SDC4: variants seen among roughly 807,000 people sequenced by gnomAD.
SDC4 encodes the protein syndecan 4, also known as syndecan-4.
A neutral mutation model predicts 20.5 loss-of-function variants in SDC4; 17 were observed. That is an observed-to-expected ratio of 0.83 (90% CI 0.57 to 1.25). The LOEUF (loss-of-function observed/expected upper bound fraction) is 1.25. Among genes scored for constraint, SDC4 ranks in the 50% most tolerant of loss-of-function variants. The probability of loss-of-function intolerance (pLI) is 0.00; values close to 1 mark genes in which losing one functional copy is unlikely to be tolerated. For missense variants in SDC4, 241 were observed against 252.3 expected, an observed-to-expected ratio of 0.96 and a Z score of 0.30; for synonymous variants, 107 against 105.3, an observed-to-expected ratio of 1.02 and a Z score of -0.10.
intron 1 of SDC4, chr20:45,345,938 C>G (rs1339218521): frequency 6.6e-6 from 1 of 152,154 alleles, no homozygotes; most frequent in African/African-American, 2.4e-5. Flanking sequence ...GGGGGAACAC[C>G]ACCCACAATG....
In SDC4 at chr20:45,325,333, G is replaced by A. The variant is rs1291485155; in HGVS notation, c.*1931C>T. The A allele has an allele frequency of 6.5e-6, 1 of 152,678 alleles. No individual in the cohort carries two copies. The highest frequency in any genetic ancestry group is 1.5e-5 in the Non-Finnish European group (1 of 68,074). The allele number at this position is 152,678 out of a possible 1,614,324, so 9.5% of individuals were successfully genotyped here. Reference sequence around the variant, plus strand: ...ATTATCTTTTTATCAAAAAAAATCAGTAACAGACAACAGTGTGAGAGGTGC... The same window carrying A: ...ATTATCTTTTTATCAAAAAAAATCAATAACAGACAACAGTGTGAGAGGTGC... On this transcript the variant is annotated 3_prime_UTR_variant, in exon 5 of 5. Coordinates refer to ENST00000372733, the MANE Select transcript of SDC4 (RefSeq NM_002999.4).
At chr20:45,331,761 T>C (rs150849079) in intron 3 of SDC4, among the ~76,000 whole-genome samples, 2 of 152,340 alleles carry the variant, frequency 1.3e-5, no homozygotes, top group African/African-American at 2.4e-5. Flanking sequence ...TTACTCTATA[T>C]GGTCTAAAAA....
intron 1 of SDC4, among the ~76,000 whole-genome samples, chr20:45,343,641 C>G (rs942621989): frequency 2.1e-4 from 32 of 152,152 alleles, no homozygotes; most frequent in African/African-American, 7.7e-4. Context: ...AAAGCCCCAC[C>G]CTAGATTTCT....
intron 1 of SDC4, among the ~76,000 whole-genome samples, chr20:45,340,683 C>T (rs1340732814): frequency 2.0e-5 from 3 of 152,218 alleles, no homozygotes; most frequent in Non-Finnish European, 4.4e-5. Context: ...CTGGCTCCTC[C>T]CCAGGGGAGG....
intron 1 of SDC4, among the ~76,000 whole-genome samples, chr20:45,339,680 C>A (rs930389280): frequency 6.6e-6 from 1 of 152,170 alleles, no homozygotes; most frequent in East Asian, 1.9e-4. Flanking sequence ...GTCGAGGTTG[C>A]AGTGAGCTAC....
chr20:45,347,743 T>C (rs1445086318), intron 1 of SDC4, among the ~76,000 whole-genome samples: 1 of 152,032 alleles, frequency 6.6e-6, no homozygotes, highest in Non-Finnish European at 1.5e-5. Context: ...CCTCAGACCC[T>C]TGGTGCAGTA....
At position 45,329,436 on chromosome 20, in the gene SDC4, T is replaced by A. The variant is rs1322739500; in HGVS notation, c.445+930A>T. 2.6e-5 allele frequency among the ~76,000 whole-genome samples: 4 copies of A among 152,218 alleles called. No homozygotes were observed. In the East Asian group the frequency reaches 7.7e-4, roughly 29 times the overall value. On this transcript the variant is annotated intron_variant, in intron 4 of 4. Transcript: ENST00000372733. Reference sequence around the variant, plus strand: ...AAAGTCTTATGCAAATCTTTTTACTTCTGAAAGAAAAGTAAAAAGAACTTT... The same window carrying A: ...AAAGTCTTATGCAAATCTTTTTACTACTGAAAGAAAAGTAAAAAGAACTTT...
Position 45,348,352 on chromosome 20 carries a change from C to G in SDC4, c.33G>C (p.Leu11=). ...ACTCGGCGACTCCGCCTACGAAGAA[C>G]AGCAGCAGCGCGAACAGACGGGCGG... The part of the protein sequence containing the change: MAPARLFALL[L]FFVGGVAESI... Residue 11 remains leucine (L), a synonymous_variant, in exon 1 of 5, where the codon CTG becomes CTC. Coordinates refer to ENST00000372733, the MANE Select transcript of SDC4 (RefSeq NM_002999.4). The G allele has an allele frequency of 6.3e-7, 1 of 1,591,184 alleles. No individual in the cohort carries two copies. The highest frequency in any genetic ancestry group is 8.5e-7 in the Non-Finnish European group (1 of 1,169,802).
chr20:45,337,088 C>A (rs1338789369), intron 1 of SDC4, among the ~76,000 whole-genome samples: 1 of 152,104 alleles, frequency 6.6e-6, no homozygotes, highest in East Asian at 1.9e-4. Flanking sequence ...TCCCGGGCAG[C>A]CCTACAGTAC....
intron 4 of SDC4, among the ~76,000 whole-genome samples, chr20:45,328,944 C>T (rs377508470): frequency 1.1e-4 from 17 of 152,322 alleles, no homozygotes; most frequent in South Asian, 6.2e-4. Context: ...CCTGGGTCTG[C>T]GCTGGGATGC....
intron 1 of SDC4, among the ~76,000 whole-genome samples, chr20:45,342,466 T>C (rs927699549): frequency 2.6e-5 from 4 of 152,198 alleles, no homozygotes; most frequent in African/African-American, 9.7e-5. Flanking sequence ...ACCAAGTCAC[T>C]GTTTCCACAC....
chr20:45,346,438 T>C (rs1988033250), intron 1 of SDC4, among the ~76,000 whole-genome samples: 1 of 152,064 alleles, frequency 6.6e-6, no homozygotes, highest in South Asian at 2.1e-4. Context: ...ACTGACACAG[T>C]CCCCTTCCCC....
At chr20:45,335,096 G>A (rs1387782302) in intron 2 of SDC4, among the ~76,000 whole-genome samples, 4 of 119,924 alleles carry the variant, frequency 3.3e-5, no homozygotes, top group Non-Finnish European at 5.0e-5. Context: ...CCCCACTGAA[G>A]CAGGGACTTG....
chr20:45,348,254 T>G, intron 1 of SDC4, 71 bp downstream of exon 1: 45 of 1,010,840 alleles, frequency 4.5e-5, no homozygotes, highest in Non-Finnish European at 6.4e-5. Context: ...CATCCCACGC[T>G]CCGACGAACA....
intron 1 of SDC4, among the ~76,000 whole-genome samples, chr20:45,339,777 C>G (rs181146171): frequency 9.1e-4 from 138 of 152,312 alleles, no homozygotes; most frequent in African/African-American, 3.1e-3. Context: ...CTAGGTCCCA[C>G]AGACTCTGCT....
rs187188632 is a variant in SDC4, at chr20:45,328,142, T to C, written c.446-727A>G. Among the ~76,000 whole-genome samples, 922 of 152,324 alleles carry C rather than the reference T, an allele frequency of 6.1e-3. 4 individuals are homozygous for C. The highest frequency in any genetic ancestry group is 0.021 in the African/African-American group (886 of 41,572). ...CTCCCTGTGTGCATATTTACCTATA[T>C]AGCCTACACTTCATAGACAGGTATG... On this transcript the variant is annotated intron_variant, in intron 4 of 4. Transcript: ENST00000372733.
At chr20:45,345,292 G>C (rs1988015872) in intron 1 of SDC4, 1 of 152,160 alleles carries the variant, frequency 6.6e-6, no homozygotes, top group African/African-American at 2.4e-5. Context: ...ATTCCTTCAA[G>C]AGAGAGACCT....
At chr20:45,339,063 C>A (rs749475392) in intron 1 of SDC4, among the ~76,000 whole-genome samples, 4 of 152,172 alleles carry the variant, frequency 2.6e-5, no homozygotes, top group Non-Finnish European at 5.9e-5. Flanking sequence ...TGACCTCTGA[C>A]AAGAGGGAAG....
At chr20:45,346,848 C>A (rs1237351477) in intron 1 of SDC4, among the ~76,000 whole-genome samples, 1 of 152,204 alleles carries the variant, frequency 6.6e-6, no homozygotes, top group African/African-American at 2.4e-5. Flanking sequence ...TCTTTAGTTA[C>A]CAACGATGGG....
Sources: allele counts gnomAD v4.1 joint callset (sites outside exome capture counted in the v4.1 genomes callset), GRCh38; gene constraint gnomAD v4.1.1; transcripts MANE v1.5; gene names NCBI Gene and HGNC (gene_info 2026-07-23, HGNC 2026-07-21).